Variants in GRM7 observed in about 807,000 individuals in gnomAD.
GRM7 encodes the protein metabotropic glutamate receptor 7.
In GRM7, 35 loss-of-function variants were observed where a neutral mutation model predicts 84.5. The ratio of observed to expected loss-of-function variants is 0.41; its 90% CI spans 0.32 to 0.55. The LOEUF (loss-of-function observed/expected upper bound fraction) is 0.55, where lower values mean the gene tolerates loss of function less well. Among genes scored for constraint, GRM7 ranks in the 20% least tolerant of loss-of-function variants. GRM7 has a pLI of 0.19. For missense variants in GRM7, 1,003 were observed against 1,194.6 expected, an observed-to-expected ratio of 0.84 and a Z score of 2.36; for synonymous variants, 487 against 455.1, an observed-to-expected ratio of 1.07 and a Z score of -0.89.
intron 7 of GRM7, among the ~76,000 whole-genome samples, chr3:7,516,338 G>C (rs903245973): frequency 1.3e-5 from 2 of 150,136 alleles, no homozygotes; most frequent in Non-Finnish European, 3.0e-5. Flanking sequence ...TTAGCCAGGC[G>C]TGGTGGTGTG....
intron 3 of GRM7, among the ~76,000 whole-genome samples, chr3:7,302,602 T>A (rs911328009): frequency 1.3e-5 from 2 of 152,186 alleles, no homozygotes; most frequent in Non-Finnish European, 2.9e-5. Flanking sequence ...CTTTTAACTA[T>A]GCATATATAC....
At chr3:6,965,976 A>G (rs117226229) in intron 1 of GRM7, among the ~76,000 whole-genome samples, 1 of 152,100 alleles carries the variant, frequency 6.6e-6, no homozygotes, top group African/African-American at 2.4e-5. Context: ...CCTGTCACCA[A>G]CACCCTATCC....
chr3:6,864,300 T>A (rs1204785339), intron 1 of GRM7, among the ~76,000 whole-genome samples: 1 of 152,188 alleles, frequency 6.6e-6, no homozygotes, highest in East Asian at 1.9e-4. Context: ...GGTTTGTATG[T>A]GTCCTGGTTA....
At chr3:7,719,538 C>T (rs1040894001) in intron 9 of GRM7, among the ~76,000 whole-genome samples, 4 of 152,004 alleles carry the variant, frequency 2.6e-5, no homozygotes, top group African/African-American at 7.2e-5. Context: ...TACAGCTGGG[C>T]GCGGTGGCTC....
At chr3:6,877,649 T>C (rs1695358585) in intron 1 of GRM7, among the ~76,000 whole-genome samples, 1 of 152,154 alleles carries the variant, frequency 6.6e-6, no homozygotes, top group African/African-American at 2.4e-5. Context: ...TGAGGTAGAT[T>C]GACATTCCGC....
chr3:6,978,242 T>C (rs987225530), intron 1 of GRM7, among the ~76,000 whole-genome samples: 1 of 148,324 alleles, frequency 6.7e-6, no homozygotes, highest in Non-Finnish European at 1.5e-5. Flanking sequence ...GGTGTAGTTA[T>C]GCAGCAGTAG....
intron 1 of GRM7, among the ~76,000 whole-genome samples, chr3:7,054,733 T>TTCTG (rs1462663482): frequency 2.6e-5 from 4 of 151,874 alleles, no homozygotes; most frequent in Non-Finnish European, 5.9e-5. Flanking sequence ...CTCTCTCTCT[T>TTCTG]TCTGTCTGTC....
intron 4 of GRM7, among the ~76,000 whole-genome samples, chr3:7,338,182 A>G (rs1342203989): frequency 6.6e-6 from 1 of 151,914 alleles, no homozygotes. Flanking sequence ...TGGATAAAAT[A>G]ATGGCATTTG....
intron 7 of GRM7, among the ~76,000 whole-genome samples, chr3:7,512,701 C>T (rs1700252773): frequency 6.7e-6 from 1 of 149,842 alleles, no homozygotes; most frequent in Non-Finnish European, 1.5e-5. Flanking sequence ...GTCATTTTAT[C>T]TCAAAAAGCC....
intron 1 of GRM7, among the ~76,000 whole-genome samples, chr3:7,070,293 T>C (rs1213998642): frequency 6.6e-6 from 1 of 152,144 alleles, no homozygotes; most frequent in African/African-American, 2.4e-5. Flanking sequence ...CAAAGTGTAT[T>C]TTGTTTAGAA....
chr3:7,473,529 A>AGAGAGG (rs1698798369), intron 7 of GRM7, among the ~76,000 whole-genome samples: 1 of 149,144 alleles, frequency 6.7e-6, no homozygotes, highest in Non-Finnish European at 1.5e-5. Flanking sequence ...AGAGAGAGAG[A>AGAGAGG]GAAACACCTT....
chr3:7,265,530 A>T (rs1006330000), intron 2 of GRM7, among the ~76,000 whole-genome samples: 5 of 152,204 alleles, frequency 3.3e-5, no homozygotes, highest in African/African-American at 4.8e-5. Flanking sequence ...CAGTTCTGTC[A>T]TCCAGAGGTG....
chr3:7,192,711 TC>T (rs1388186476), intron 2 of GRM7, among the ~76,000 whole-genome samples: 1 of 152,052 alleles, frequency 6.6e-6, no homozygotes, highest in Non-Finnish European at 1.5e-5. Flanking sequence ...CTATCAACTC[TC>T]CTTTAACTTA....
intron 5 of GRM7, among the ~76,000 whole-genome samples, chr3:7,439,333 C>A (rs1423909529): frequency 6.6e-6 from 1 of 152,168 alleles, no homozygotes; most frequent in Non-Finnish European, 1.5e-5. Context: ...ACCAGGCTTT[C>A]TAAGGTCGGA....
At chr3:7,206,221 T>A (rs985100406) in intron 2 of GRM7, among the ~76,000 whole-genome samples, 1 of 152,162 alleles carries the variant, frequency 6.6e-6, no homozygotes, top group African/African-American at 2.4e-5. Context: ...GATAGGGAAA[T>A]CAGAAGGTAA....
At chr3:7,002,979 G>A (rs1695067387) in intron 1 of GRM7, among the ~76,000 whole-genome samples, 1 of 152,126 alleles carries the variant, frequency 6.6e-6, no homozygotes, top group Admixed American at 6.6e-5. Context: ...AGTGAAATGA[G>A]CCAGACCCAG....
At chr3:7,529,879 A>C (rs1559382868) in intron 7 of GRM7, among the ~76,000 whole-genome samples, 1 of 151,070 alleles carries the variant, frequency 6.6e-6, no homozygotes, top group African/African-American at 2.4e-5. Context: ...TTGTTGTTTT[A>C]AATCAGGAGA....
At chr3:7,276,532 A>G (rs1041474566) in intron 2 of GRM7, among the ~76,000 whole-genome samples, 33 of 151,936 alleles carry the variant, frequency 2.2e-4, no homozygotes, top group Non-Finnish European at 4.4e-4. Context: ...GTACTATAGC[A>G]TGCTTCATGA....
At chr3:7,613,956 T>C (rs1200202096) in intron 8 of GRM7, among the ~76,000 whole-genome samples, 6 of 152,124 alleles carry the variant, frequency 3.9e-5, no homozygotes, top group African/African-American at 7.2e-5. Flanking sequence ...AAGGCAGTCA[T>C]TGGATTTTTT....
Sources: gnomAD v4.1 joint callset for allele counts (sites outside exome capture counted in the v4.1 genomes callset) on GRCh38, gnomAD v4.1.1 for gene constraint, MANE v1.5 for transcripts, NCBI Gene and HGNC (gene_info 2026-07-23, HGNC 2026-07-21) for gene names.